The following DGKB variants were observed in gnomAD, a reference collection of about 807,000 sequenced individuals.
DGKB encodes the protein 90 kDa diacylglycerol kinase.
DGKB carries 67 observed loss-of-function variants against 114.3 expected under a neutral mutation model. The observed-to-expected ratio is 0.59, with a 90% CI of 0.48 to 0.72. The LOEUF (loss-of-function observed/expected upper bound fraction) is 0.72, where lower values mean the gene tolerates loss of function less well. DGKB is among the 30% of genes least tolerant of loss of function. The probability of loss-of-function intolerance (pLI) is 0.00; values close to 1 mark genes in which losing one functional copy is unlikely to be tolerated. For synonymous variants in DGKB, 398 were observed against 323.1 expected, an observed-to-expected ratio of 1.23 and a Z score of -2.49; for missense variants, 907 against 975.2, an observed-to-expected ratio of 0.93 and a Z score of 0.93.
chr7:14,324,082 G>A (rs564596468), intron 23 of DGKB, among the ~76,000 whole-genome samples: 2 of 152,244 alleles, frequency 1.3e-5, no homozygotes, highest in East Asian at 1.9e-4. Context: ...GGAAAAATAT[G>A]TTGATAAAAG....
chr7:14,841,225 C>T lies in DGKB; in HGVS notation c.39G>A (p.Ser13=), dbSNP rs1452034285. 4 of 1,613,138 alleles carry T rather than the reference C, an allele frequency of 2.5e-6. No individual in the cohort carries two copies. Among genetic ancestry groups the T allele is most frequent in the Admixed American group, 1.7e-5 (1 of 59,938 alleles). Residue 13 remains serine, a synonymous_variant, in exon 2 of 26, where the codon TCG becomes TCA. Coordinates refer to ENST00000402815, the MANE Select transcript of DGKB (RefSeq NM_001350709.2). ...NQEKWAHLSP[S]EFSQLQKYAE... is the part of the protein sequence containing the mutation. ...CATATTTCTGAAGTTGGGAAAATTC[C>T]GAAGGGCTGAGGTGGGCCCATTTTT...
chr7:14,719,285 A>G (rs1185946575), intron 5 of DGKB, among the ~76,000 whole-genome samples: 3 of 152,212 alleles, frequency 2.0e-5, no homozygotes, highest in East Asian at 1.9e-4. Flanking sequence ...AGGTAAAAAC[A>G]TATGAGTGGT....
intron 23 of DGKB, among the ~76,000 whole-genome samples, chr7:14,256,597 G>C (rs1796008964): frequency 6.6e-6 from 1 of 152,096 alleles, no homozygotes; most frequent in African/African-American, 2.4e-5. Context: ...TGTTTTAAAA[G>C]ATTACTCAGG....
At chr7:14,588,637 CT>C (rs1209095732) in intron 17 of DGKB, among the ~76,000 whole-genome samples, 5 of 151,924 alleles carry the variant, frequency 3.3e-5, no homozygotes, top group Non-Finnish European at 7.4e-5. Flanking sequence ...CACTTTTTTT[CT>C]ATTTATTTTT....
chr7:14,338,655 A>C lies in DGKB; in HGVS notation c.1982T>G (p.Leu661Trp). The change falls in exon 23 of 26, where the codon TTG becomes TGG. Residue 661 changes from leucine to tryptophan, a missense_variant. Leu to Trp is a moderately conservative substitution (Grantham distance 61). Coordinates refer to ENST00000402815, the MANE Select transcript of DGKB (RefSeq NM_001350709.2). ...INISLEGIAI[L>W]NIPSMHGGSN... is the part of the protein sequence containing the mutation. ...TCCTCCATGCATGCTTGGTATATTC[A>C]AAATAGCAATTCCTTCCAGAGAGAT... 1.2e-6 allele frequency: 2 copies of C among 1,601,748 alleles called. No homozygotes were observed. Among genetic ancestry groups the C allele is most frequent in the Non-Finnish European group, 1.7e-6 (2 of 1,173,310 alleles).
chr7:14,243,448 A>T (rs893805828), intron 23 of DGKB, among the ~76,000 whole-genome samples: 28 of 152,234 alleles, frequency 1.8e-4, no homozygotes, highest in Non-Finnish European at 2.4e-4. Context: ...AGATGCTAAC[A>T]TATTAGATTT....
intron 12 of DGKB, among the ~76,000 whole-genome samples, chr7:14,680,023 G>T (rs539679431): frequency 6.6e-6 from 1 of 151,952 alleles, no homozygotes; most frequent in East Asian, 1.9e-4. Context: ...CACAAGTTGT[G>T]TTTTATGAAC....
intron 6 of DGKB, among the ~76,000 whole-genome samples, chr7:14,701,951 T>A (rs577253938): frequency 2.2e-4 from 33 of 152,314 alleles, no homozygotes; most frequent in Non-Finnish European, 4.4e-4. Flanking sequence ...ATTTTGTTTG[T>A]TTCTAGAAGA....
At chr7:14,570,584 A>G (rs1798237113) in intron 20 of DGKB, among the ~76,000 whole-genome samples, 1 of 152,166 alleles carries the variant, frequency 6.6e-6, no homozygotes, top group Admixed American at 6.5e-5. Flanking sequence ...CTGTATTCTT[A>G]CCAGAAAGTC....
intron 5 of DGKB, among the ~76,000 whole-genome samples, chr7:14,723,584 T>A (rs1370670165): frequency 2.0e-5 from 3 of 149,056 alleles, no homozygotes; most frequent in Non-Finnish European, 4.4e-5. Context: ...TGTGTGTGTG[T>A]ATATACACAT....
In DGKB at chr7:14,478,025, T is replaced by TACACAC. The variant is rs3839747; in HGVS notation, c.1835+130_1835+135dup. ...TCATTTATCCTACCATCTTAATATT[T>TACACAC]ACACACACACACACACACACGCACA... On this transcript the variant is annotated intron_variant, in intron 21 of 25. Coordinates refer to ENST00000402815, the MANE Select transcript of DGKB (RefSeq NM_001350709.2). 107 of 404,776 alleles carry TACACAC rather than the reference T, an allele frequency of 2.6e-4. 2 individuals are homozygous for TACACAC. The highest frequency in any genetic ancestry group is 4.0e-4 in the Non-Finnish European group (91 of 225,124). 25.1% of individuals were successfully genotyped at this position (404,776 alleles called of 1,614,324 possible).
At chr7:14,822,185 G>A (rs1187759953) in intron 2 of DGKB, among the ~76,000 whole-genome samples, 1 of 152,136 alleles carries the variant, frequency 6.6e-6, no homozygotes, top group Non-Finnish European at 1.5e-5. Context: ...CAATTAGACA[G>A]CTGCTTATTC....
intron 21 of DGKB, among the ~76,000 whole-genome samples, chr7:14,370,190 A>T (rs1158062309): frequency 5.3e-5 from 8 of 152,136 alleles, no homozygotes; most frequent in African/African-American, 1.9e-4. Flanking sequence ...CCAACACCAT[A>T]TATTAAATAG....
intron 17 of DGKB, among the ~76,000 whole-genome samples, chr7:14,597,096 T>C (rs1465336270): frequency 6.6e-6 from 1 of 152,068 alleles, no homozygotes; most frequent in Non-Finnish European, 1.5e-5. Context: ...ATATGACAGC[T>C]ACTCGGGAGG....
chr7:14,556,840 G>A (rs1795945601), intron 20 of DGKB, among the ~76,000 whole-genome samples: 1 of 152,152 alleles, frequency 6.6e-6, no homozygotes, highest in Non-Finnish European at 1.5e-5. Context: ...TTCAATCTAT[G>A]TAAAATGAAT....
chr7:14,339,773 G>T (rs992694811), intron 22 of DGKB, among the ~76,000 whole-genome samples: 2 of 151,802 alleles, frequency 1.3e-5, no homozygotes, highest in Non-Finnish European at 2.9e-5. Flanking sequence ...GTTTTTAAAA[G>T]AACTTTGTGA....
chr7:14,938,442 G>T (rs189280828), intron 1 of DGKB, among the ~76,000 whole-genome samples: 1 of 152,150 alleles, frequency 6.6e-6, no homozygotes, highest in South Asian at 2.1e-4. Flanking sequence ...AAAACTTTCA[G>T]TTGCATTATT....
chr7:14,174,174 T>C (rs1207782769), intron 25 of DGKB, among the ~76,000 whole-genome samples: 6 of 152,104 alleles, frequency 3.9e-5, no homozygotes, highest in Non-Finnish European at 8.8e-5. Context: ...CGGGGCCATT[T>C]TGTGTTGAGC....
chr7:14,870,397 A>C (rs1852277174), intron 1 of DGKB, among the ~76,000 whole-genome samples: 1 of 152,176 alleles, frequency 6.6e-6, no homozygotes, highest in South Asian at 2.1e-4. Context: ...GCTCAGAAAA[A>C]TTTCCCAACC....
Sources: gnomAD v4.1 joint callset for allele counts (sites outside exome capture counted in the v4.1 genomes callset) on GRCh38, gnomAD v4.1.1 for gene constraint, MANE v1.5 for transcripts, NCBI Gene and HGNC (gene_info 2026-07-23, HGNC 2026-07-21) for gene names.